Variants in FIG4 observed in about 807,000 individuals in gnomAD.
FIG4 encodes polyphosphoinositide phosphatase.
In FIG4, 112 loss-of-function variants were observed where a neutral mutation model predicts 118.6. The ratio of observed to expected loss-of-function variants is 0.94; its 90% CI spans 0.81 to 1.11. The LOEUF (loss-of-function observed/expected upper bound fraction) is 1.11. Among genes scored for constraint, FIG4 ranks in the 50% least tolerant of loss-of-function variants. FIG4 has a pLI of 0.00. For missense variants in FIG4, 969 were observed against 1,111.7 expected (o/e 0.87, Z 1.83); for synonymous variants, 369 against 381.2 (o/e 0.97, Z 0.37).
In FIG4 at chr6:109,791,555, G is replaced by A. The variant is rs377017892; in HGVS notation, c.2360G>A (p.Ser787Asn). ...GTGAAGATGACTGATGCAGGAGACA[G>A]TGCCAAAGTGACCGAGGTGCGGGGG... ...TPVKMTDAGD[S>N]AKVTENVVQP... Residue 787 changes from serine to asparagine, a missense_variant, in exon 20 of 23, where the codon AGT becomes AAT. Ser to Asn is a conservative substitution (Grantham distance 46). This residue lies in a region of FIG4 where 330 missense variants were observed against 348.1 expected (regional missense o/e 0.95). Transcript: ENST00000230124. The A allele has an allele frequency of 7.1e-5, 115 of 1,613,792 alleles. No homozygotes were observed. Among genetic ancestry groups the A allele is most frequent in the Non-Finnish European group, 9.3e-5 (110 of 1,179,974 alleles).
intron 13 of FIG4, 28 bp downstream of exon 13, chr6:109,764,010 A>C: frequency 6.8e-7 from 1 of 1,466,334 alleles, no homozygotes; most frequent in Non-Finnish European, 9.6e-7. Flanking sequence ...ATTCGTAATG[A>C]ATAGAATCTG....
intron 22 of FIG4, among the ~76,000 whole-genome samples, chr6:109,813,950 C>T (rs550409346): frequency 6.6e-6 from 1 of 152,272 alleles, no homozygotes; most frequent in African/African-American, 2.4e-5. Flanking sequence ...AGATTGACTG[C>T]AACCTCCTGG....
In FIG4 at chr6:109,743,779, T is replaced by C. The variant is rs1337585334; in HGVS notation, c.1137+7T>C. The C allele has an allele frequency of 1.3e-6, 2 of 1,591,550 alleles. No homozygotes were observed. The highest frequency in any genetic ancestry group is 1.7e-6 in the Non-Finnish European group (2 of 1,160,146). On this transcript the variant is annotated splice_region_variant and intron_variant, in intron 10 of 22. Coordinates refer to ENST00000230124, the MANE Select transcript of FIG4 (RefSeq NM_014845.6). ...CATCTTGAATTTAGTGAAGGTATGATGTGCTCATCTGTTTGGTTATGAGAT... is the reference window on the plus strand; with the variant it reads ...CATCTTGAATTTAGTGAAGGTATGACGTGCTCATCTGTTTGGTTATGAGAT...
At chr6:109,786,084 T>C (rs76055971) in intron 17 of FIG4, 158 of 559,920 alleles carry the variant, frequency 2.8e-4, no homozygotes, top group East Asian at 1.5e-3. Context: ...CCTGGCTCCT[T>C]AGAGCTTGTT....
Position 109,774,212 on chromosome 6 carries a change from A to G in FIG4, c.1751-2710A>G, listed in dbSNP as rs1272511357. The stretch of plus-strand genomic sequence containing the variant: ...CCACCTTCCAGAGATAGCCACTTGT[A>G]TATTTAGGGGAACATGATCCTTCTG... On this transcript the variant is annotated intron_variant, in intron 15 of 22. Transcript: ENST00000230124. Among the ~76,000 whole-genome samples, 3 of 152,208 alleles carry G rather than the reference A, an allele frequency of 2.0e-5. No homozygotes were observed. The East Asian group carries it at 5.8e-4, about 29-fold the overall frequency.
rs374350970 is a variant in FIG4, at chr6:109,764,978, A to G, written c.1435-35A>G. On this transcript the variant is annotated intron_variant, in intron 13 of 22. Transcript: ENST00000230124. ...AGTATGGAAGTTCTTTGGTGATGGA[A>G]TAATGATTGAAAATCTTAAGGTATT... 6.3e-6 allele frequency: 10 copies of G among 1,597,960 alleles called. No homozygotes were observed. In the African/African-American group the frequency reaches 1.3e-4, roughly 21 times the overall value.
chr6:109,774,343 A>G (rs916571168), intron 15 of FIG4, among the ~76,000 whole-genome samples: 2 of 152,162 alleles, frequency 1.3e-5, no homozygotes, highest in African/African-American at 4.8e-5. Flanking sequence ...TAGTAGCCCT[A>G]TGGTACTCTA....
At chr6:109,817,254 C>G (rs929385766) in intron 22 of FIG4, among the ~76,000 whole-genome samples, 20 of 152,206 alleles carry the variant, frequency 1.3e-4, no homozygotes, top group Admixed American at 1.0e-3. Context: ...GCCAAGCCCT[C>G]TCTCATTAAA....
chr6:109,763,215 C>T (rs1367298628), intron 12 of FIG4, among the ~76,000 whole-genome samples: 1 of 152,176 alleles, frequency 6.6e-6, no homozygotes, highest in East Asian at 1.9e-4. Flanking sequence ...ACCATTTCAG[C>T]ACAGTTAGTC....
intron 18 of FIG4, among the ~76,000 whole-genome samples, chr6:109,786,900 T>C (rs1777975592): frequency 6.6e-6 from 1 of 152,124 alleles, no homozygotes; most frequent in Admixed American, 6.5e-5. Flanking sequence ...CTCTCTTCTT[T>C]CTCTCTCCCC....
At chr6:109,817,531 A>G in intron 22 of FIG4, among the ~76,000 whole-genome samples, 1 of 152,096 alleles carries the variant, frequency 6.6e-6, no homozygotes, top group Admixed American at 6.6e-5. Context: ...TTTAAAATAC[A>G]AATAACCTTT....
intron 22 of FIG4, among the ~76,000 whole-genome samples, chr6:109,812,560 G>A (rs1216099918): frequency 2.6e-5 from 4 of 152,194 alleles, no homozygotes; most frequent in African/African-American, 9.7e-5. Flanking sequence ...GGAGCCAAGA[G>A]AAGAAAGTGT....
chr6:109,744,541 G>A (rs186669314), intron 10 of FIG4, among the ~76,000 whole-genome samples: 2 of 152,104 alleles, frequency 1.3e-5, no homozygotes, highest in African/African-American at 4.8e-5. Flanking sequence ...AGTGTCTGAG[G>A]TTATTCTGAG....
chr6:109,795,595 C>CT (rs72384711), intron 21 of FIG4, among the ~76,000 whole-genome samples: 1,185 of 69,472 alleles, frequency 0.017, 402 homozygotes, highest in African/African-American at 0.065. Flanking sequence ...GGTTTCAGTC[C>CT]TTTTTTTTTT....
At chr6:109,733,828 CCTT>C (rs200595202) in intron 5 of FIG4, among the ~76,000 whole-genome samples, 3,169 of 151,918 alleles carry the variant, frequency 0.021, 97 homozygotes, top group African/African-American at 0.073. Context: ...TTAGAAATGG[CCTT>C]CTTCTTCATA....
At chr6:109,803,897 A>G (rs1049120872) in intron 22 of FIG4, among the ~76,000 whole-genome samples, 1 of 151,770 alleles carries the variant, frequency 6.6e-6, no homozygotes, top group Admixed American at 6.6e-5. Context: ...TTGTAGGGAC[A>G]TGGATGAAGC....
rs1050332219 is a variant in FIG4, at chr6:109,796,868, A to C, written c.2546+17A>C. 9.3e-6 allele frequency: 13 copies of C among 1,397,670 alleles called. No individual in the cohort carries two copies. Among genetic ancestry groups the C allele is most frequent in the Non-Finnish European group, 1.1e-5 (11 of 982,484 alleles). 86.6% of individuals were successfully genotyped at this position (1,397,670 alleles called of 1,614,324 possible). A position where few individuals can be genotyped will look rare whatever the true frequency, so the allele number is the denominator to read the frequency against. On this transcript the variant is annotated intron_variant, in intron 22 of 22. Transcript: ENST00000230124. ...TATAAAACTGTAAGTACTAGATTAG[A>C]TCTTTAAAGAAATCTTTGTATTCAT...
intron 6 of FIG4, among the ~76,000 whole-genome samples, chr6:109,737,565 GA>G (rs1776195206): frequency 6.6e-6 from 1 of 151,864 alleles, no homozygotes; most frequent in Admixed American, 6.6e-5. Context: ...CATGTTTTGA[GA>G]AAAAAATGGT....
intron 15 of FIG4, among the ~76,000 whole-genome samples, chr6:109,769,387 G>C (rs915649374): frequency 2.0e-5 from 3 of 152,098 alleles, no homozygotes; most frequent in East Asian, 1.9e-4. Flanking sequence ...AACTGAAAGA[G>C]GAACTACCGT....
Sources: allele counts gnomAD v4.1 joint callset (sites outside exome capture counted in the v4.1 genomes callset), GRCh38; gene constraint gnomAD v4.1.1; regional missense constraint gnomAD v4.1.1; transcripts MANE v1.5; gene names NCBI Gene and HGNC (gene_info 2026-07-23, HGNC 2026-07-21).